WDR41: variants seen among roughly 807,000 people sequenced by gnomAD.
WDR41 encodes WD repeat domain 41, also known as WD repeat-containing protein 41.
WDR41 carries 63 observed loss-of-function variants against 69.3 expected under a neutral mutation model. That is an observed-to-expected ratio of 0.91 (90% CI 0.74 to 1.12). The LOEUF (loss-of-function observed/expected upper bound fraction) is 1.12. Ranked by LOEUF, WDR41 falls within the 50% of genes most tolerant of loss-of-function variation. The pLI is 0.00. For missense variants in WDR41, 543 were observed against 534.5 expected, an observed-to-expected ratio of 1.02 and a Z score of -0.16; for synonymous variants, 185 against 192.1, an observed-to-expected ratio of 0.96 and a Z score of 0.31.
chr5:77,594,878 G>T (rs1305790682), intron 1 of WDR41, among the ~76,000 whole-genome samples: 2 of 152,204 alleles, frequency 1.3e-5, no homozygotes, highest in Non-Finnish European at 2.9e-5. Context: ...CTTTATAAAT[G>T]CATTTATATC....
chr5:77,477,985 A>C (rs1214652882), intron 2 of WDR41, among the ~76,000 whole-genome samples: 2 of 151,932 alleles, frequency 1.3e-5, no homozygotes, highest in African/African-American at 4.8e-5. Flanking sequence ...AAAAATGATA[A>C]AGGGGATATC....
chr5:77,524,424 C>T (rs1225747508), intron 1 of WDR41, among the ~76,000 whole-genome samples: 2 of 152,024 alleles, frequency 1.3e-5, no homozygotes, highest in Non-Finnish European at 2.9e-5. Flanking sequence ...CCTATCTTGG[C>T]AGAAAAAACA....
At chr5:77,510,775 T>C (rs1211596921) in intron 1 of WDR41, among the ~76,000 whole-genome samples, 4 of 141,284 alleles carry the variant, frequency 2.8e-5, no homozygotes, top group African/African-American at 1.1e-4. Flanking sequence ...AATTTTTTTT[T>C]TTTTTTTTTT....
chr5:77,560,442 T>C (rs898012262), intron 1 of WDR41, among the ~76,000 whole-genome samples: 1 of 152,168 alleles, frequency 6.6e-6, no homozygotes, highest in Admixed American at 6.6e-5. Context: ...TTTCAAACCA[T>C]GGCTTTTAAT....
intron 1 of WDR41, among the ~76,000 whole-genome samples, chr5:77,537,831 A>G (rs1002243464): frequency 7.2e-5 from 11 of 152,228 alleles, no homozygotes; most frequent in Non-Finnish European, 1.5e-5. Flanking sequence ...AGTGCTCAAC[A>G]AGTAGGTATT....
At chr5:77,439,390 T>C (rs1799070322) in intron 9 of WDR41, among the ~76,000 whole-genome samples, 1 of 152,146 alleles carries the variant, frequency 6.6e-6, no homozygotes, top group African/African-American at 2.4e-5. Flanking sequence ...TCCCCTTGAC[T>C]CTCAGGATTA....
intron 1 of WDR41, among the ~76,000 whole-genome samples, chr5:77,581,042 A>G (rs764079390): frequency 2.0e-5 from 3 of 152,090 alleles, no homozygotes; most frequent in Non-Finnish European, 4.4e-5. Flanking sequence ...AATAATATTA[A>G]ACATAAATGG....
intron 2 of WDR41, among the ~76,000 whole-genome samples, chr5:77,471,523 A>C (rs1445434193): frequency 1.3e-5 from 2 of 152,078 alleles, no homozygotes; most frequent in African/African-American, 2.4e-5. Flanking sequence ...AATTGATAGA[A>C]CGCTAGTAAG....
chr5:77,579,952 A>G (rs1352834083), intron 1 of WDR41, among the ~76,000 whole-genome samples: 1 of 152,218 alleles, frequency 6.6e-6, no homozygotes, highest in South Asian at 2.1e-4. Context: ...TAAGGAAATG[A>G]CCACAAATTG....
intron 1 of WDR41, among the ~76,000 whole-genome samples, chr5:77,614,453 G>A (rs373513917): frequency 6.7e-6 from 1 of 149,148 alleles, no homozygotes; most frequent in Non-Finnish European, 1.5e-5. Context: ...ACACCATGGA[G>A]TACTATGCAG....
intron 1 of WDR41, among the ~76,000 whole-genome samples, chr5:77,603,355 T>G (rs1333704573): frequency 6.6e-6 from 1 of 152,246 alleles, no homozygotes; most frequent in Non-Finnish European, 1.5e-5. Flanking sequence ...GTTGGACATT[T>G]GTATGACTTC....
rs184827845 is a variant in WDR41 at position 77,455,390 on chromosome 5, A to C, written c.412-1462T>G. Among the ~76,000 whole-genome samples the C allele has an allele frequency of 1.8e-3, 277 of 152,284 alleles. 3 individuals are homozygous for C. Among genetic ancestry groups the C allele is most frequent in the South Asian group, 6.4e-3 (31 of 4,826 alleles). ...ACACAAGTCCCTTATCAGATATACAATTTGAAAATATTTTCTCCAATTCTG... is the reference window on the plus strand; with the variant it reads ...ACACAAGTCCCTTATCAGATATACACTTTGAAAATATTTTCTCCAATTCTG... On this transcript the variant is annotated intron_variant, in intron 5 of 12. Transcript: ENST00000296679.
intron 1 of WDR41, among the ~76,000 whole-genome samples, chr5:77,602,167 TTCTC>T (rs1744334049): frequency 6.6e-6 from 1 of 152,008 alleles, no homozygotes; most frequent in Admixed American, 6.6e-5. Flanking sequence ...TAGATGGAGT[TTCTC>T]TCTTGTTGCC....
chr5:77,510,566 T>C (rs1802182388), intron 1 of WDR41, among the ~76,000 whole-genome samples: 1 of 152,118 alleles, frequency 6.6e-6, no homozygotes, highest in Non-Finnish European at 1.5e-5. Context: ...ACACACTTGC[T>C]TAGTGTTTTC....
intron 1 of WDR41, among the ~76,000 whole-genome samples, chr5:77,502,300 G>A (rs1035534414): frequency 1.7e-4 from 26 of 152,014 alleles, no homozygotes; most frequent in Non-Finnish European, 2.4e-4. Context: ...ATGAAATAAA[G>A]TGAGAAGAAA....
At chr5:77,449,494 A>T (rs1799536878) in intron 8 of WDR41, among the ~76,000 whole-genome samples, 1 of 152,190 alleles carries the variant, frequency 6.6e-6, no homozygotes. Context: ...CAGTCATCCC[A>T]CAGCTACCAA....
At chr5:77,569,608 T>G (rs150025929) in intron 1 of WDR41, among the ~76,000 whole-genome samples, 158 of 152,296 alleles carry the variant, frequency 1.0e-3, no homozygotes, top group African/African-American at 3.7e-3. Context: ...AGACATATAT[T>G]AATAGCAAGA....
chr5:77,555,624 A>C (rs1375386947), intron 1 of WDR41, among the ~76,000 whole-genome samples: 1 of 152,162 alleles, frequency 6.6e-6, no homozygotes, highest in African/African-American at 2.4e-5. Context: ...ATTATCTTTA[A>C]AAAAGACATT....
At chr5:77,485,388 A>C (rs1335817827) in intron 2 of WDR41, among the ~76,000 whole-genome samples, 2 of 152,206 alleles carry the variant, frequency 1.3e-5, no homozygotes, top group Admixed American at 1.3e-4. Flanking sequence ...TTAGTGGATT[A>C]TCAAGCTATA....
Sources: gnomAD v4.1 joint callset for allele counts (sites outside exome capture counted in the v4.1 genomes callset) on GRCh38, gnomAD v4.1.1 for gene constraint, MANE v1.5 for transcripts, NCBI Gene and HGNC (gene_info 2026-07-23, HGNC 2026-07-21) for gene names.